The following H2BW1 variants were observed in gnomAD, a reference collection of about 807,000 sequenced individuals.
H2BW1 encodes histone H2B type W-T.
A neutral mutation model predicts 8.0 loss-of-function variants in H2BW1; 9 were observed. That is an observed-to-expected ratio of 1.13 (90% CI 0.68 to 1.97). The LOEUF is 1.97. Ranked by LOEUF, H2BW1 falls within the 30% of genes most tolerant of loss-of-function variation. The probability of loss-of-function intolerance (pLI) is 0.00; values close to 1 mark genes in which losing one functional copy is unlikely to be tolerated. For synonymous variants in H2BW1, 58 were observed against 54.7 expected, an observed-to-expected ratio of 1.06 and a Z score of -0.26; for missense variants, 137 against 132.0, an observed-to-expected ratio of 1.04 and a Z score of -0.19.
rs782641172 is a variant in H2BW1, at chrX:104,013,652, ACG to A, written c.-78_-77del. The A allele has an allele frequency of 2.5e-6, 3 of 1,201,293 alleles. No individual in the cohort carries two copies. Among genetic ancestry groups the A allele is most frequent in the Non-Finnish European group, 2.2e-6 (2 of 889,777 alleles). ...ACCGGGGAAGCCGGGGCACTTCGGT[ACG>A]CAGCATGGCTCCACGTCTCGGGCCA... On this transcript the variant is annotated 5_prime_UTR_variant, in exon 1 of 3. Transcript: ENST00000217926.
rs377520401 is a variant in H2BW1, at chrX:104,013,185, G to A, written c.392C>T (p.Thr131Met). Residue 131 changes from threonine (T) to methionine (M), a missense_variant, in exon 1 of 3, where the codon ACG becomes ATG. Coordinates refer to ENST00000217926, the MANE Select transcript of H2BW1 (RefSeq NM_001002916.5). The stretch of plus-strand genomic sequence containing the variant: ...CCTGGTGTACCTGAGGACAGCCTTC[G>A]TGCCTTCGGACTCGGCGAGCTTGCC... ...QMGKLAESEG[T>M]KAVLRTSLYA... The A allele has an allele frequency of 4.1e-6, 5 of 1,204,870 alleles. No homozygotes were observed. The highest frequency in any genetic ancestry group is 2.3e-4 in the Middle Eastern group (1 of 4,304).
At position 104,013,432 on chromosome X, in the gene H2BW1, G is replaced by C. The variant is rs782483359; in HGVS notation, c.145C>G (p.Arg49Gly). 3 of 1,212,117 alleles carry C rather than the reference G, an allele frequency of 2.5e-6. No homozygotes were observed. The highest frequency in any genetic ancestry group is 5.9e-5 in the East Asian group (2 of 33,839). Reference protein sequence around the residue: ...HGPRRCHSNCRGDSFATYFRR... With the variant: ...HGPRRCHSNCGGDSFATYFRR... ...AAATAGGTGGCGAAGCTGTCCCCGC[G>C]GCAGTTGGAGTGGCACCTGCGGGGC... is the stretch of plus-strand genomic sequence containing the variant. The change falls in exon 1 of 3, where the codon CGC becomes GGC. Residue 49 changes from arginine (R) to glycine (G), a missense_variant. Coordinates refer to ENST00000217926, the MANE Select transcript of H2BW1 (RefSeq NM_001002916.5).
intron 1 of H2BW1, 45 bp downstream of exon 1, chrX:104,013,125 T>C (rs200871396): frequency 8.6e-7 from 1 of 1,162,968 alleles, no homozygotes; most frequent in Admixed American, 2.6e-5. Context: ...TGGGTTCCCG[T>C]GGTGCTCGGG....
rs782812612 is a variant in H2BW1, at chrX:104,013,507, A to G, written c.70T>C (p.Ser24Pro). The G allele has an allele frequency of 1.7e-6, 2 of 1,211,626 alleles. No individual in the cohort carries two copies. Among genetic ancestry groups the G allele is most frequent in the Admixed American group, 4.3e-5 (2 of 46,040 alleles). The change falls in exon 1 of 3, where the codon TCC becomes CCC. Residue 24 changes from serine to proline, a missense_variant. Coordinates refer to ENST00000217926, the MANE Select transcript of H2BW1 (RefSeq NM_001002916.5). The stretch of plus-strand genomic sequence containing the variant: ...TTGCTCTGCTTCTGGGACGTAGTGG[A>G]GTTGGCCTCTTTGGGCTCCTGGGTG... Reference protein sequence around the residue: ...LITQEPKEANSTTSQKQSKQR... With the variant: ...LITQEPKEANPTTSQKQSKQR...
intron 1 of H2BW1, 150 bp from the exon 2 acceptor site, chrX:104,012,898 A>G: frequency 1.1e-6 from 1 of 931,259 alleles, no homozygotes; most frequent in Non-Finnish European, 1.5e-6. Context: ...CGATCACGGA[A>G]ACACCCACTA....
intron 2 of H2BW1, 143 bp downstream of exon 2, chrX:104,012,547 G>T: frequency 1.1e-6 from 1 of 920,361 alleles, no homozygotes; most frequent in Non-Finnish European, 1.5e-6. Flanking sequence ...AACTGCAATA[G>T]TGATCTCAGA....
rs139653087 is a variant in H2BW1 at position 104,013,284 on chromosome X, C to T, written c.293G>A (p.Arg98His). Residue 98 changes from arginine (R) to histidine (H), a missense_variant, in exon 1 of 3, where the codon CGC becomes CAC. Transcript: ENST00000217926. ...RIATEAGHLA[R>H]STKRQTITAW... is the part of the protein sequence containing the mutation. The stretch of plus-strand genomic sequence containing the variant: ...AGTGATGGTCTGGCGCTTGGTGGAG[C>T]GGGCCAGGTGACCAGCCTCGGTGGC... The T allele has an allele frequency of 9.9e-6, 12 of 1,211,883 alleles. No homozygotes were observed. Among genetic ancestry groups the T allele is most frequent in the Non-Finnish European group, 1.3e-5 (12 of 895,555 alleles).
rs146363890 is a variant in H2BW1 at position 104,013,252 on chromosome X, C to T, written c.325G>A (p.Glu109Lys). The change falls in exon 1 of 3, where the codon GAG becomes AAG. Residue 109 changes from glutamate to lysine, a missense_variant. Transcript: ENST00000217926. ...AGCAGGCGCACAGCCATCCGGGTCT[C>T]CCAGGCAGTGATGGTCTGGCGCTTG... is the stretch of plus-strand genomic sequence containing the variant. ...STKRQTITAW[E>K]TRMAVRLLLP... is the part of the protein sequence containing the mutation. 8.3e-6 allele frequency: 10 copies of T among 1,210,783 alleles called. No individual in the cohort carries two copies. Among genetic ancestry groups the T allele is most frequent in the Non-Finnish European group, 1.1e-5 (10 of 895,406 alleles).
At chrX:104,012,627 C>T (rs1556337475) in intron 2 of H2BW1, 63 bp downstream of exon 2, 1 of 1,201,447 alleles carries the variant, frequency 8.3e-7, no homozygotes, top group Non-Finnish European at 1.1e-6. Flanking sequence ...GTAACTTGGC[C>T]TCATTTGCTT....
At position 104,013,166 on chromosome X, in the gene H2BW1, G is replaced by A. The variant is rs782463032; in HGVS notation, c.407+4C>T. On this transcript the variant is annotated splice_donor_region_variant and intron_variant, in intron 1 of 2. Coordinates refer to ENST00000217926, the MANE Select transcript of H2BW1 (RefSeq NM_001002916.5). ...CTGAGGGAGCGCACTTGCTCCTGGT[G>A]TACCTGAGGACAGCCTTCGTGCCTT... 8.3e-7 allele frequency: 1 copy of A among 1,198,405 alleles called. No individual in the cohort carries two copies. The highest frequency in any genetic ancestry group is 1.7e-5 in the African/African-American group (1 of 57,717).
At position 104,011,910 on chromosome X, in the gene H2BW1, G is replaced by A. The variant is rs1414055871; in HGVS notation, c.*23-447C>T. On this transcript the variant is annotated intron_variant, in intron 2 of 2. Coordinates refer to ENST00000217926, the MANE Select transcript of H2BW1 (RefSeq NM_001002916.5). ...ACAATACAATAAATTCCTATGGGTC[G>A]CAATCCCAGAGTATGTTCTCTGGTC... Among the ~76,000 whole-genome samples, 4 of 111,250 alleles carry A rather than the reference G, an allele frequency of 3.6e-5. No individual in the cohort carries two copies. The East Asian group carries it at 1.1e-3, about 31-fold the overall frequency.
chrX:104,013,343 C>T lies in H2BW1; in HGVS notation c.234G>A (p.Met78Ile). ...LSLSREAVSV[M>I]DSLVHDILDR... ...CCAATATGTCATGAACCAAAGAATC[C>T]ATGACACTCACGGCCTCCCGGGAAA... Residue 78 changes from methionine to isoleucine, a missense_variant, in exon 1 of 3, where the codon ATG (methionine) becomes ATA (isoleucine). Physicochemically the swap from Met to Ile is conservative, Grantham distance 10. Coordinates refer to ENST00000217926, the MANE Select transcript of H2BW1 (RefSeq NM_001002916.5). The T allele has an allele frequency of 9.1e-6, 11 of 1,212,051 alleles. No individual in the cohort carries two copies. Among genetic ancestry groups the T allele is most frequent in the Non-Finnish European group, 1.2e-5 (11 of 895,620 alleles).
At position 104,013,355 on chromosome X, in the gene H2BW1, G is replaced by C; in HGVS notation, c.222C>G (p.Ala74=). 8.3e-7 allele frequency: 1 copy of C among 1,212,052 alleles called. No individual in the cohort carries two copies. The highest frequency in any genetic ancestry group is 1.1e-6 in the Non-Finnish European group (1 of 895,617). The change falls in exon 1 of 3, where the codon GCC becomes GCG. Residue 74 remains alanine (A), a synonymous_variant. Coordinates refer to ENST00000217926, the MANE Select transcript of H2BW1 (RefSeq NM_001002916.5). ...VHQGLSLSRE[A]VSVMDSLVHD... ...GAACCAAAGAATCCATGACACTCACGGCCTCCCGGGAAAGGCTGAGGCCCT... is the reference window on the plus strand; with the variant it reads ...GAACCAAAGAATCCATGACACTCACCGCCTCCCGGGAAAGGCTGAGGCCCT...
chrX:104,013,670 T>C lies in H2BW1; in HGVS notation c.-94A>G. On this transcript the variant is annotated 5_prime_UTR_variant, in exon 1 of 3. Transcript: ENST00000217926. Reference sequence around the variant, plus strand: ...CTTCGGTACGCAGCATGGCTCCACGTCTCGGGCCAGCTTCACGTCTGATTG... The same window carrying C: ...CTTCGGTACGCAGCATGGCTCCACGCCTCGGGCCAGCTTCACGTCTGATTG... 1.7e-6 allele frequency: 2 copies of C among 1,191,259 alleles called. No homozygotes were observed. The highest frequency in any genetic ancestry group is 1.1e-6 in the Non-Finnish European group (1 of 884,600).
chrX:104,012,769 G>A, intron 1 of H2BW1, 21 bp from the exon 2 acceptor site: 11 of 1,211,400 alleles, frequency 9.1e-6, no homozygotes, highest in Non-Finnish European at 1.1e-5. Context: ...CCACCATCCA[G>A]TCACAGGAGA....
At chrX:104,011,862 G>A (rs1399663828) in intron 2 of H2BW1, among the ~76,000 whole-genome samples, 2 of 111,787 alleles carry the variant, frequency 1.8e-5, no homozygotes, top group East Asian at 5.6e-4. Flanking sequence ...TGACAAAAAT[G>A]GCCACATATT....
chrX:104,012,540 T>G, intron 2 of H2BW1, 150 bp downstream of exon 2: 1 of 876,164 alleles, frequency 1.1e-6, no homozygotes, highest in Non-Finnish European at 1.6e-6. Flanking sequence ...AAGAATGAAC[T>G]GCAATAGTGA....
At position 104,013,456 on chromosome X, in the gene H2BW1, G is replaced by A. The variant is rs142056526; in HGVS notation, c.121C>T (p.Pro41Ser). ...CGGCAGTTGGAGTGGCACCTGCGGG[G>A]CCCATGGCGCCCTCGCTTCCTCTGC... Reference protein sequence around the residue: ...SKQRKRGRHGPRRCHSNCRGD... With the variant: ...SKQRKRGRHGSRRCHSNCRGD... Residue 41 changes from proline (P) to serine (S), a missense_variant, in exon 1 of 3, where the codon CCC becomes TCC. By Grantham distance (74) the Pro-to-Ser change is moderately conservative (BLOSUM62 -1). Transcript: ENST00000217926. 753 of 1,210,798 alleles carry A rather than the reference G, an allele frequency of 6.2e-4. 1 individual carries two copies. The South Asian group carries it at 8.9e-3, about 14-fold the overall frequency.
In H2BW1 at chrX:104,013,668, C is replaced by T. The variant is rs782738186; in HGVS notation, c.-92G>A. ...CACTTCGGTACGCAGCATGGCTCCACGTCTCGGGCCAGCTTCACGTCTGAT... is the reference window on the plus strand; with the variant it reads ...CACTTCGGTACGCAGCATGGCTCCATGTCTCGGGCCAGCTTCACGTCTGAT... On this transcript the variant is annotated 5_prime_UTR_variant, in exon 1 of 3. In the 5' UTR this introduces an upstream ATG that the reference lacks. Transcript: ENST00000217926. The T allele has an allele frequency of 8.4e-7, 1 of 1,192,836 alleles. No individual in the cohort carries two copies. Among genetic ancestry groups the T allele is most frequent in the East Asian group, 3.0e-5 (1 of 32,920 alleles).
Sources: allele counts gnomAD v4.1 joint callset (sites outside exome capture counted in the v4.1 genomes callset), GRCh38; gene constraint gnomAD v4.1.1; transcripts MANE v1.5; gene names NCBI Gene and HGNC (gene_info 2026-07-23, HGNC 2026-07-21).